TOPBP1: variants seen among roughly 807,000 people sequenced by gnomAD.
The protein encoded by TOPBP1 is DNA topoisomerase 2-binding protein 1.
Under a neutral mutation model 167.7 loss-of-function variants are expected in TOPBP1, and 28 were observed. That is an observed-to-expected ratio of 0.17 (90% CI 0.12 to 0.23). TOPBP1 has a LOEUF of 0.23. TOPBP1 is among the 10% of genes least tolerant of loss of function. The pLI is 1.00. For missense variants in TOPBP1, 1,554 were observed against 1,809.6 expected (o/e 0.86, Z 2.56); for synonymous variants, 598 against 611.4 (o/e 0.98, Z 0.32).
rs1173196449 is a variant in TOPBP1 at position 133,649,563 on chromosome 3, A to G, written c.1324T>C (p.Tyr442His). Reference protein sequence around the residue: ...SKGYMLSEEPYIHANYQPVEI... With the variant: ...SKGYMLSEEPHIHANYQPVEI... ...ACTGGCTGGTAATTAGCATGGATAT[A>G]TGGTTCTTCAGAAAGCATATAACCT... The change falls in exon 10 of 28, where the codon TAT (tyrosine) becomes CAT (histidine). Residue 442 changes from tyrosine (Y) to histidine (H), a missense_variant. Coordinates refer to ENST00000260810, the MANE Select transcript of TOPBP1 (RefSeq NM_007027.4). 7.4e-6 allele frequency: 12 copies of G among 1,613,798 alleles called. No homozygotes were observed. Among genetic ancestry groups the G allele is most frequent in the Admixed American group, 3.3e-5 (2 of 60,010 alleles).
chr3:133,647,920 T>C (rs1936136737), intron 10 of TOPBP1, among the ~76,000 whole-genome samples: 1 of 152,040 alleles, frequency 6.6e-6, no homozygotes, highest in Non-Finnish European at 1.5e-5. Context: ...GTTAAGAGAA[T>C]ATAGAGAATG....
chr3:133,619,111 C>CAAAAAAAA (rs71136485), intron 20 of TOPBP1, among the ~76,000 whole-genome samples: 13 of 102,940 alleles, frequency 1.3e-4, no homozygotes, highest in South Asian at 3.2e-4. Context: ...TGTGGAGAAG[C>CAAAAAAAA]AAAAAAAAAA....
At chr3:133,643,799 T>G (rs1226400965) in intron 11 of TOPBP1, among the ~76,000 whole-genome samples, 3 of 152,142 alleles carry the variant, frequency 2.0e-5, no homozygotes, top group Non-Finnish European at 4.4e-5. Flanking sequence ...AGAAGGAATG[T>G]TGCTGCTGTG....
At chr3:133,658,043 G>C (rs1231115913) in intron 3 of TOPBP1, 102 bp from the exon 4 acceptor site, 1 of 901,976 alleles carries the variant, frequency 1.1e-6, no homozygotes, top group African/African-American at 1.7e-5. Flanking sequence ...CAAAGTTGAT[G>C]ACCACTGTAG....
At chr3:133,632,380 G>A (rs143605363) in intron 14 of TOPBP1, among the ~76,000 whole-genome samples, 2,475 of 152,064 alleles carry the variant, frequency 0.016, 27 homozygotes, top group Middle Eastern at 0.031. Context: ...ACTTCAGCCT[G>A]GGTGACAAGA....
chr3:133,623,860 A>T (rs559323643), intron 17 of TOPBP1, among the ~76,000 whole-genome samples, 192 bp downstream of exon 17: 7 of 152,362 alleles, frequency 4.6e-5, no homozygotes, highest in African/African-American at 1.7e-4. Context: ...TCCATTAAAG[A>T]TTTGTTAAGT....
At chr3:133,612,755 C>A (rs934528887) in intron 23 of TOPBP1, among the ~76,000 whole-genome samples, 1 of 150,434 alleles carries the variant, frequency 6.6e-6, no homozygotes, top group African/African-American at 2.4e-5. Flanking sequence ...ATTTTAAATA[C>A]AAAAGTAAAT....
intron 27 of TOPBP1, among the ~76,000 whole-genome samples, chr3:133,606,079 C>T (rs950813028): frequency 6.6e-6 from 1 of 151,906 alleles, no homozygotes; most frequent in African/African-American, 2.4e-5. Flanking sequence ...GTAGTCCTAG[C>T]TACTTGGGAG....
intron 23 of TOPBP1, among the ~76,000 whole-genome samples, chr3:133,614,828 G>C (rs1457338148): frequency 7.3e-6 from 1 of 136,718 alleles, no homozygotes; most frequent in Non-Finnish European, 1.6e-5. Flanking sequence ...GGCCTGTCCT[G>C]GGGTGGGGGG....
At chr3:133,630,055 G>C (rs2107796504) in intron 14 of TOPBP1, among the ~76,000 whole-genome samples, 1 of 152,124 alleles carries the variant, frequency 6.6e-6, no homozygotes, top group South Asian at 2.1e-4. Context: ...CAAAGTGCTG[G>C]GATAACAGGC....
chr3:133,612,598 T>C, intron 23 of TOPBP1, 46 bp from the exon 24 acceptor site: 8 of 1,517,014 alleles, frequency 5.3e-6, no homozygotes, highest in Non-Finnish European at 7.1e-6. Context: ...TCCCAACTTC[T>C]TTCTAGGAAA....
intron 14 of TOPBP1, among the ~76,000 whole-genome samples, chr3:133,629,039 G>C (rs1400030053): frequency 1.3e-5 from 2 of 151,902 alleles, no homozygotes; most frequent in South Asian, 2.1e-4. Flanking sequence ...CTGAATCTTA[G>C]AGTTGAATTT....
At chr3:133,626,250 A>G (rs1435659995) in intron 16 of TOPBP1, among the ~76,000 whole-genome samples, 5 of 152,148 alleles carry the variant, frequency 3.3e-5, no homozygotes, top group African/African-American at 9.7e-5. Context: ...CAGCCCATAC[A>G]CCCTTGGTCT....
intron 2 of TOPBP1, among the ~76,000 whole-genome samples, 166 bp from the exon 3 acceptor site, chr3:133,659,316 C>A (rs1380060755): frequency 1.3e-5 from 2 of 152,142 alleles, no homozygotes; most frequent in Non-Finnish European, 2.9e-5. Context: ...CCCTTCCTTG[C>A]CCTAAATCTG....
chr3:133,656,817 A>G lies in TOPBP1; in HGVS notation c.404T>C (p.Val135Ala). 1 of 1,604,980 alleles carries G rather than the reference A, an allele frequency of 6.2e-7. No homozygotes were observed. The highest frequency in any genetic ancestry group is 8.5e-7 in the Non-Finnish European group (1 of 1,176,522). ...HKYVQMMGGRVYRDLNVSVTH... is the reference protein window; with the variant it reads ...HKYVQMMGGRAYRDLNVSVTH... ...TACTGATACATTAAGGTCTCTGTATACTCGTCCGCCCATCATTTGTACATA... is the reference window on the plus strand; with the variant it reads ...TACTGATACATTAAGGTCTCTGTATGCTCGTCCGCCCATCATTTGTACATA... The change falls in exon 5 of 28, where the codon GTA becomes GCA. Residue 135 changes from valine to alanine, a missense_variant. Val to Ala is a moderately conservative substitution (Grantham distance 64). Around this residue, in one of 3 missense-constraint regions of TOPBP1, gnomAD observed 1,197 missense variants for 1,351.5 expected, o/e 0.89. Transcript: ENST00000260810.
chr3:133,646,276 A>G (rs973522374), intron 10 of TOPBP1, among the ~76,000 whole-genome samples: 7 of 152,232 alleles, frequency 4.6e-5, no homozygotes, highest in African/African-American at 1.7e-4. Flanking sequence ...TTATAAAGTC[A>G]GTAAACCACT....
At chr3:133,632,108 CTCTTT>C (rs1354440171) in intron 14 of TOPBP1, among the ~76,000 whole-genome samples, 1 of 151,992 alleles carries the variant, frequency 6.6e-6, no homozygotes, top group Non-Finnish European at 1.5e-5. Context: ...TCAATTAAAC[CTCTTT>C]TCTTTATAAA....
At chr3:133,630,101 T>A (rs1045492286) in intron 14 of TOPBP1, among the ~76,000 whole-genome samples, 4 of 152,042 alleles carry the variant, frequency 2.6e-5, no homozygotes, top group African/African-American at 9.7e-5. Context: ...TATATTTATA[T>A]CTAATTTTTT....
intron 6 of TOPBP1, 35 bp from the exon 7 acceptor site, chr3:133,653,559 AG>A: frequency 4.8e-6 from 7 of 1,461,854 alleles, no homozygotes; most frequent in Non-Finnish European, 6.4e-6. Flanking sequence ...TAGAGAAAAT[AG>A]GAGAAACCAA....
Sources: allele counts gnomAD v4.1 joint callset (sites outside exome capture counted in the v4.1 genomes callset), GRCh38; gene constraint gnomAD v4.1.1; regional missense constraint gnomAD v4.1.1; transcripts MANE v1.5; gene names NCBI Gene and HGNC (gene_info 2026-07-23, HGNC 2026-07-21).